GRIN2A: variants seen among roughly 807,000 people sequenced by gnomAD.
GRIN2A encodes glutamate ionotropic receptor NMDA type subunit 2A, also known as glutamate receptor ionotropic, NMDA 2A.
A neutral mutation model predicts 113.4 loss-of-function variants in GRIN2A; 22 were observed. That is an observed-to-expected ratio of 0.19 (90% confidence interval 0.14 to 0.28). The LOEUF (loss-of-function observed/expected upper bound fraction) is 0.28, where lower values mean the gene tolerates loss of function less well. Among genes scored for constraint, GRIN2A ranks in the 10% least tolerant of loss-of-function variants. The pLI is 1.00. For missense variants in GRIN2A, 1,502 were observed against 1,887.0 expected (o/e 0.80, Z 3.78); for synonymous variants, 827 against 738.4 (o/e 1.12, Z -1.94).
chr16:10,030,148 G>C (rs1355893443), intron 2 of GRIN2A, among the ~76,000 whole-genome samples: 1 of 151,142 alleles, frequency 6.6e-6, no homozygotes, highest in African/African-American at 2.4e-5. Context: ...ATCATTTTCA[G>C]AGGCGTTTCA....
At chr16:9,791,919 C>T (rs1902629402) in intron 11 of GRIN2A, among the ~76,000 whole-genome samples, 1 of 152,080 alleles carries the variant, frequency 6.6e-6, no homozygotes, top group South Asian at 2.1e-4. Context: ...CTGAATGGTG[C>T]TATTAAAACT....
At chr16:9,853,217 G>C (rs921624175) in intron 4 of GRIN2A, among the ~76,000 whole-genome samples, 18 of 152,146 alleles carry the variant, frequency 1.2e-4, no homozygotes, top group Admixed American at 5.2e-4. Flanking sequence ...GCAAAGCCTT[G>C]TAGGCTCTAT....
At chr16:9,896,641 T>C (rs2043813146) in intron 3 of GRIN2A, among the ~76,000 whole-genome samples, 1 of 152,200 alleles carries the variant, frequency 6.6e-6, no homozygotes, top group East Asian at 1.9e-4. Context: ...AATGTTAATA[T>C]TGTCTTTTTC....
chr16:10,176,245 T>C (rs1443913693), intron 2 of GRIN2A, among the ~76,000 whole-genome samples: 1 of 152,112 alleles, frequency 6.6e-6, no homozygotes, highest in Non-Finnish European at 1.5e-5. Flanking sequence ...CCTCAGGTGA[T>C]CCACCCGCCT....
At chr16:9,899,687 C>T (rs1022938257) in intron 3 of GRIN2A, among the ~76,000 whole-genome samples, 2 of 151,956 alleles carry the variant, frequency 1.3e-5, no homozygotes, top group Non-Finnish European at 2.9e-5. Context: ...AAATAGAAAT[C>T]TTCTTAAGGG....
chr16:10,178,981 A>C (rs1833802069), intron 2 of GRIN2A, among the ~76,000 whole-genome samples: 3 of 152,152 alleles, frequency 2.0e-5, no homozygotes, highest in Non-Finnish European at 4.4e-5. Context: ...CAGTACACAC[A>C]CAACTCCAAT....
intron 2 of GRIN2A, among the ~76,000 whole-genome samples, chr16:10,101,016 T>C (rs934287585): frequency 5.3e-5 from 8 of 152,218 alleles, no homozygotes; most frequent in Admixed American, 2.6e-4. Context: ...TTCAGAGCCC[T>C]CAGGATTCAC....
At chr16:9,939,471 G>A (rs1217431344) in intron 2 of GRIN2A, among the ~76,000 whole-genome samples, 2 of 152,192 alleles carry the variant, frequency 1.3e-5, no homozygotes, top group Non-Finnish European at 2.9e-5. Flanking sequence ...GGTAACTTAT[G>A]TCAGGTTAAA....
chr16:10,128,937 T>C (rs537074862), intron 2 of GRIN2A, among the ~76,000 whole-genome samples: 252 of 152,376 alleles, frequency 1.7e-3, no homozygotes, highest in Non-Finnish European at 3.0e-3. Context: ...GCAGTTTCAA[T>C]GCACATATGT....
chr16:10,091,892 G>C (rs895724049), intron 2 of GRIN2A, among the ~76,000 whole-genome samples: 6 of 152,174 alleles, frequency 3.9e-5, no homozygotes, highest in African/African-American at 1.2e-4. Context: ...ACAGGCCTGA[G>C]ATAATTTTTT....
chr16:10,128,591 C>A (rs1338342641), intron 2 of GRIN2A, among the ~76,000 whole-genome samples: 2 of 152,216 alleles, frequency 1.3e-5, no homozygotes, highest in Admixed American at 1.3e-4. Flanking sequence ...GTGGGCAGCA[C>A]CCTCCAGGCA....
rs1038461127 is a variant in GRIN2A at position 10,045,970 on chromosome 16, G to T, written c.415-107419C>A. Among the ~76,000 whole-genome samples, 3 of 152,190 alleles carry T rather than the reference G, an allele frequency of 2.0e-5. No individual in the cohort carries two copies. In the East Asian group the frequency reaches 5.8e-4, roughly 29 times the overall value. On this transcript the variant is annotated intron_variant, in intron 2 of 12. Coordinates refer to ENST00000330684, the MANE Select transcript of GRIN2A (RefSeq NM_001134407.3). ...ACAGCATCCCTGGTCCCTACATGCT[G>T]ATATTAGTAGCATCTCCCGACAAAC...
intron 10 of GRIN2A, among the ~76,000 whole-genome samples, chr16:9,800,515 C>CT (rs1349002115): frequency 6.6e-6 from 1 of 152,098 alleles, no homozygotes; most frequent in Non-Finnish European, 1.5e-5. Flanking sequence ...AACACTGCAT[C>CT]TTTTCAGAGA....
In GRIN2A at chr16:10,182,294, G is replaced by A. The variant is rs1360946671; in HGVS notation, c.-436C>T. On this transcript the variant is annotated 5_prime_UTR_variant, in exon 1 of 13. Coordinates refer to ENST00000330684, the MANE Select transcript of GRIN2A (RefSeq NM_001134407.3). Reference sequence around the variant, plus strand: ...TCCACTCCAGGGTGCACAGGAGAATGGGAGCCCCAGGTTGGCCACCCACGA... The same window carrying A: ...TCCACTCCAGGGTGCACAGGAGAATAGGAGCCCCAGGTTGGCCACCCACGA... 1 of 152,278 alleles carries A rather than the reference G, an allele frequency of 6.6e-6. No individual in the cohort carries two copies. Among genetic ancestry groups the A allele is most frequent in the South Asian group, 2.1e-4 (1 of 4,826 alleles). The allele number at this position is 152,278 out of a possible 1,614,324, so 9.4% of individuals were successfully genotyped here.
intron 2 of GRIN2A, among the ~76,000 whole-genome samples, chr16:9,997,193 G>A (rs912911960): frequency 1.3e-5 from 2 of 152,110 alleles, no homozygotes; most frequent in African/African-American, 4.8e-5. Context: ...TTCTAACACT[G>A]GAACAAACCA....
At chr16:9,860,379 CG>C (rs2141395784) in intron 4 of GRIN2A, among the ~76,000 whole-genome samples, 1 of 128,944 alleles carries the variant, frequency 7.8e-6, no homozygotes, top group Non-Finnish European at 1.6e-5. Flanking sequence ...ACCCAGGAGG[CG>C]GAGGTTGCAG....
rs78202005 is a variant in GRIN2A, at chr16:9,951,460, A to T, written c.415-12909T>A. Among the ~76,000 whole-genome samples the T allele has an allele frequency of 4.8e-3, 728 of 152,316 alleles. 17 individuals are homozygous for T. In the East Asian group the frequency reaches 0.053, roughly 11 times the overall value. On this transcript the variant is annotated intron_variant, in intron 2 of 12. Coordinates refer to ENST00000330684, the MANE Select transcript of GRIN2A (RefSeq NM_001134407.3). ...GGTGCATTTGTGTTTGTGTTTGTGT[A>T]TGTGCGCACAGGCGTGCATGTCAAA...
At chr16:10,021,239 G>T (rs1473207932) in intron 2 of GRIN2A, among the ~76,000 whole-genome samples, 1 of 152,220 alleles carries the variant, frequency 6.6e-6, no homozygotes, top group African/African-American at 2.4e-5. Flanking sequence ...TGAATGAATG[G>T]ACTGGTCAAT....
chr16:10,053,047 CAA>C (rs34069709), intron 2 of GRIN2A, among the ~76,000 whole-genome samples: 11 of 130,456 alleles, frequency 8.4e-5, no homozygotes, highest in Non-Finnish European at 8.1e-5. Flanking sequence ...GACTCCATCT[CAA>C]AAAAAAAAAA....
Sources: allele counts gnomAD v4.1 joint callset (sites outside exome capture counted in the v4.1 genomes callset), GRCh38; gene constraint gnomAD v4.1.1; transcripts MANE v1.5; gene names NCBI Gene and HGNC (gene_info 2026-07-23, HGNC 2026-07-21).